The following FRK variants were observed in gnomAD, a reference collection of about 807,000 sequenced individuals.
The protein encoded by FRK is tyrosine-protein kinase FRK.
Under a neutral mutation model 56.4 loss-of-function variants are expected in FRK, and 51 were observed. The observed-to-expected ratio is 0.90, with a 90% confidence interval of 0.72 to 1.14. The LOEUF is 1.14. FRK is among the 50% of genes most tolerant of loss of function. The probability of loss-of-function intolerance (pLI) is 0.00; values close to 1 mark genes in which losing one functional copy is unlikely to be tolerated. For missense variants in FRK, 570 were observed against 601.4 expected (o/e 0.95, Z 0.55); for synonymous variants, 245 against 217.9 (o/e 1.12, Z -1.10).
chr6:115,949,391 G>C (rs551891110), intron 5 of FRK, among the ~76,000 whole-genome samples: 8 of 152,254 alleles, frequency 5.3e-5, no homozygotes, highest in African/African-American at 1.9e-4. Context: ...TCCAGCTTTT[G>C]TCCAGTCAGT....
At chr6:115,982,577 A>C (rs1457052928) in intron 2 of FRK, among the ~76,000 whole-genome samples, 2 of 152,148 alleles carry the variant, frequency 1.3e-5, no homozygotes, top group Admixed American at 6.6e-5. Flanking sequence ...CCTTAGTTAC[A>C]GCCTGCACTT....
intron 1 of FRK, among the ~76,000 whole-genome samples, chr6:116,011,849 T>C (rs1013077729): frequency 6.6e-6 from 1 of 152,196 alleles, no homozygotes; most frequent in African/African-American, 2.4e-5. Flanking sequence ...AGAAAATCTC[T>C]GTGAGAGTTC....
intron 1 of FRK, among the ~76,000 whole-genome samples, chr6:116,051,679 C>T (rs554397766): frequency 6.6e-6 from 1 of 152,102 alleles, no homozygotes; most frequent in Non-Finnish European, 1.5e-5. Flanking sequence ...ATCTATATAA[C>T]TACCTTCCCT....
chr6:116,087,327 A>T, the FRK span, among the ~76,000 whole-genome samples: 1 of 152,248 alleles, frequency 6.6e-6, no homozygotes, highest in Non-Finnish European at 1.5e-5. Context: ...AGAAAAAAAT[A>T]GAAGTTTATT....
At chr6:115,975,523 GGT>G (rs1238379274) in intron 2 of FRK, among the ~76,000 whole-genome samples, 3 of 152,084 alleles carry the variant, frequency 2.0e-5, no homozygotes, top group Non-Finnish European at 4.4e-5. Context: ...GTTGAATTCA[GGT>G]GTCTCAGAAC....
chr6:116,051,730 A>ATG, intron 1 of FRK, among the ~76,000 whole-genome samples: 1 of 152,182 alleles, frequency 6.6e-6, no homozygotes, highest in Non-Finnish European at 1.5e-5. Context: ...AGAAGAGCTA[A>ATG]GAACCCATAT....
At chr6:116,030,806 C>T (rs151269171) in intron 1 of FRK, among the ~76,000 whole-genome samples, 23 of 152,228 alleles carry the variant, frequency 1.5e-4, no homozygotes, top group African/African-American at 5.5e-4. Flanking sequence ...ACTAATCAAA[C>T]CCCAAGAGTG....
At chr6:116,048,085 C>G (rs1777047750) in intron 1 of FRK, among the ~76,000 whole-genome samples, 4 of 152,196 alleles carry the variant, frequency 2.6e-5, no homozygotes, top group Non-Finnish European at 5.9e-5. Flanking sequence ...TTCTTAGAAT[C>G]CTTGTGAAGT....
intron 1 of FRK, among the ~76,000 whole-genome samples, chr6:116,048,857 T>C (rs75514874): frequency 0.012 from 1,857 of 152,340 alleles, 18 homozygotes; most frequent in Non-Finnish European, 0.019. Flanking sequence ...GCAGAGCTAT[T>C]AGAAGGATTA....
At position 115,938,078 on chromosome 6, in the gene FRK, T is replaced by G. The variant is rs1772083273; in HGVS notation, c.*4336A>C. 6.6e-6 allele frequency: 1 copy of G among 152,098 alleles called. No homozygotes were observed. The highest frequency in any genetic ancestry group is 1.5e-5 in the Non-Finnish European group (1 of 68,030). 9.4% of individuals were successfully genotyped at this position (152,098 alleles called of 1,614,324 possible). On this transcript the variant is annotated 3_prime_UTR_variant, in exon 8 of 8. Coordinates refer to ENST00000606080, the MANE Select transcript of FRK (RefSeq NM_002031.3). The stretch of plus-strand genomic sequence containing the variant: ...CTAAAAGTGATCACATAATTGGAAG[T>G]AAAACACTCCTCAGCAAATGCAAAA...
chr6:116,037,952 C>G (rs74816250), intron 1 of FRK, among the ~76,000 whole-genome samples: 1 of 152,326 alleles, frequency 6.6e-6, no homozygotes, highest in East Asian at 1.9e-4. Flanking sequence ...CAGAATGAAT[C>G]CTACACATGT....
intron 1 of FRK, 137 bp downstream of exon 1, chr6:116,059,831 G>A: frequency 1.4e-6 from 1 of 729,682 alleles, no homozygotes; most frequent in Non-Finnish European, 2.3e-6. Flanking sequence ...GTTTCAATTA[G>A]TGGTTTCTTG....
chr6:116,048,559 AT>A (rs886337376), intron 1 of FRK, among the ~76,000 whole-genome samples: 5 of 150,654 alleles, frequency 3.3e-5, no homozygotes, highest in Middle Eastern at 3.2e-3. Context: ...TAATTTTTGT[AT>A]TTTTTTTTAG....
At chr6:116,004,056 G>A in intron 1 of FRK, 58 bp from the exon 2 acceptor site, 1 of 1,488,218 alleles carries the variant, frequency 6.7e-7, no homozygotes, top group Non-Finnish European at 9.3e-7. Flanking sequence ...TTTTAAGGAG[G>A]AAAAAGCCTG....
intron 1 of FRK, among the ~76,000 whole-genome samples, chr6:116,025,647 A>G (rs1202725580): frequency 6.6e-6 from 1 of 152,192 alleles, no homozygotes; most frequent in Non-Finnish European, 1.5e-5. Context: ...GACTTATTAG[A>G]AGACCTAAAA....
intron 2 of FRK, among the ~76,000 whole-genome samples, chr6:115,995,697 G>T (rs1362396594): frequency 6.6e-6 from 1 of 152,086 alleles, no homozygotes; most frequent in Non-Finnish European, 1.5e-5. Context: ...ATGAACCAGT[G>T]CCCTAGAGGA....
rs1771983432 is a variant in FRK at position 115,933,006 on chromosome 6, T to C, written c.*9408A>G. 6.6e-6 allele frequency: 1 copy of C among 152,220 alleles called. No individual in the cohort carries two copies. The highest frequency in any genetic ancestry group is 2.1e-4 in the South Asian group (1 of 4,824). 9.4% of individuals were successfully genotyped at this position (152,220 alleles called of 1,614,324 possible). A position where few individuals can be genotyped will look rare whatever the true frequency, so the allele number is the denominator to read the frequency against. The stretch of plus-strand genomic sequence containing the variant: ...TTCCTGGTCACTCTGACTTTAACTT[T>C]GTTTTTGATGACAAAATATTCAGGT... On this transcript the variant is annotated 3_prime_UTR_variant, in exon 8 of 8. Coordinates refer to ENST00000606080, the MANE Select transcript of FRK (RefSeq NM_002031.3).
chr6:116,035,375 T>C (rs1385956582), intron 1 of FRK, among the ~76,000 whole-genome samples: 1 of 152,068 alleles, frequency 6.6e-6, no homozygotes, highest in African/African-American at 2.4e-5. Context: ...CCAATTTCAG[T>C]TGACCTCACA....
At chr6:115,994,338 C>CTTTTTTTT (rs138130403) in intron 2 of FRK, among the ~76,000 whole-genome samples, 1 of 91,770 alleles carries the variant, frequency 1.1e-5, no homozygotes, top group Non-Finnish European at 2.4e-5. Context: ...CCCCCCCCGC[C>CTTTTTTTT]TTTTTTTTGT....
Sources: gnomAD v4.1 joint callset for allele counts (sites outside exome capture counted in the v4.1 genomes callset) on GRCh38, gnomAD v4.1.1 for gene constraint, MANE v1.5 for transcripts, NCBI Gene and HGNC (gene_info 2026-07-23, HGNC 2026-07-21) for gene names.